Variants in SCHIP1 observed in about 807,000 individuals in gnomAD.
SCHIP1 encodes schwannomin interacting protein 1.
In SCHIP1, 8 loss-of-function variants were observed where a neutral mutation model predicts 29.7. The observed-to-expected ratio is 0.27, with a 90% confidence interval of 0.16 to 0.49. The LOEUF (loss-of-function observed/expected upper bound fraction) is 0.49. SCHIP1 is among the 20% of genes least tolerant of loss of function. The pLI, the probability that SCHIP1 is intolerant of heterozygous loss-of-function variation, is 0.99. For missense variants in SCHIP1, 193 were observed against 294.6 expected, an observed-to-expected ratio of 0.66 and a Z score of 2.52; for synonymous variants, 76 against 94.9, an observed-to-expected ratio of 0.80 and a Z score of 1.16.
At chr3:159,554,028 G>GTGTGTGTGTGTGTGTGTGTGTGTGTGTA in the SCHIP1 span, among the ~76,000 whole-genome samples, 1 of 73,424 alleles carries the variant, frequency 1.4e-5, no homozygotes, top group African/African-American at 1.2e-4. Context: ...GTTTGTGTAT[G>GTGTGTGTGTGTGTGTGTGTGTGTGTGTA]TGTGTGTGTG....
At chr3:159,765,002 A>G in the SCHIP1 span, 1 of 1,531,026 alleles carries the variant, frequency 6.5e-7, no homozygotes, top group Non-Finnish European at 8.8e-7. Context: ...CAGCCCCCAG[A>G]CGGCGGGACG....
the SCHIP1 span, among the ~76,000 whole-genome samples, chr3:159,749,569 G>A: frequency 2.0e-5 from 3 of 152,260 alleles, no homozygotes; most frequent in African/African-American, 4.8e-5. Flanking sequence ...GCTGGGCATT[G>A]TGTGCAACAT....
chr3:159,591,217 A>G, the SCHIP1 span, among the ~76,000 whole-genome samples: 1 of 152,196 alleles, frequency 6.6e-6, no homozygotes. Context: ...CTACAAACAG[A>G]CAATATGACT....
the SCHIP1 span, among the ~76,000 whole-genome samples, chr3:159,427,236 A>G: frequency 1.3e-5 from 2 of 150,960 alleles, no homozygotes; most frequent in South Asian, 2.1e-4. Context: ...AGGCTATTCA[A>G]TTAGGAAAAG....
At chr3:159,343,846 C>G in the SCHIP1 span, among the ~76,000 whole-genome samples, 1 of 152,062 alleles carries the variant, frequency 6.6e-6, no homozygotes. Flanking sequence ...CAGATCTATA[C>G]AGAATATAAA....
chr3:159,766,251 T>C, the SCHIP1 span, among the ~76,000 whole-genome samples: 5 of 152,184 alleles, frequency 3.3e-5, no homozygotes, highest in Non-Finnish European at 7.4e-5. Flanking sequence ...TCCTGAAAAT[T>C]GGGTGCATGC....
At chr3:159,881,017 A>G (rs1475101046) in intron 2 of SCHIP1, among the ~76,000 whole-genome samples, 1 of 152,218 alleles carries the variant, frequency 6.6e-6, no homozygotes, top group Non-Finnish European at 1.5e-5. Flanking sequence ...GGAAAGGAGC[A>G]GAGTTTGCCG....
the SCHIP1 span, among the ~76,000 whole-genome samples, chr3:159,787,959 A>G: frequency 6.6e-6 from 1 of 152,208 alleles, no homozygotes; most frequent in Non-Finnish European, 1.5e-5. Flanking sequence ...TAGGGGAATG[A>G]TGAAGGTTAA....
chr3:159,529,470 T>C, the SCHIP1 span, among the ~76,000 whole-genome samples: 34 of 152,278 alleles, frequency 2.2e-4, no homozygotes, highest in Non-Finnish European at 4.3e-4. Flanking sequence ...TTATTTTTAT[T>C]TTTTAAGTTA....
At chr3:159,716,931 T>C in the SCHIP1 span, among the ~76,000 whole-genome samples, 2 of 152,208 alleles carry the variant, frequency 1.3e-5, no homozygotes, top group South Asian at 4.1e-4. Flanking sequence ...ATCAACAGAA[T>C]ATACATTTTC....
chr3:159,829,973 G>T, the SCHIP1 span, among the ~76,000 whole-genome samples: 1 of 152,100 alleles, frequency 6.6e-6, no homozygotes. Context: ...GCTATATATT[G>T]TTAGTAAACC....
chr3:159,775,714 G>A, the SCHIP1 span, among the ~76,000 whole-genome samples: 74 of 152,346 alleles, frequency 4.9e-4, no homozygotes, highest in African/African-American at 1.6e-3. Flanking sequence ...CTGCTCACAC[G>A]TGGGTTGTAG....
At chr3:159,654,771 G>T in the SCHIP1 span, among the ~76,000 whole-genome samples, 28 of 128,506 alleles carry the variant, frequency 2.2e-4, no homozygotes, top group African/African-American at 8.7e-4. Flanking sequence ...GAAAAATGAA[G>T]CTACTTTACA....
the SCHIP1 span, among the ~76,000 whole-genome samples, chr3:159,326,294 T>A: frequency 6.6e-6 from 1 of 152,180 alleles, no homozygotes; most frequent in Admixed American, 6.5e-5. Flanking sequence ...AGTTAAATAC[T>A]ATCTAATGAA....
the SCHIP1 span, among the ~76,000 whole-genome samples, chr3:159,331,975 C>T: frequency 6.6e-6 from 1 of 152,146 alleles, no homozygotes; most frequent in East Asian, 1.9e-4. Context: ...CCACCTGGTC[C>T]TGGCTCATCA....
At chr3:159,607,897 A>T in the SCHIP1 span, among the ~76,000 whole-genome samples, 1 of 152,224 alleles carries the variant, frequency 6.6e-6, no homozygotes, top group African/African-American at 2.4e-5. Flanking sequence ...AAGGAAAAAA[A>T]GCTGAGTGCC....
the SCHIP1 span, among the ~76,000 whole-genome samples, chr3:159,506,982 GT>G: frequency 1.3e-5 from 2 of 152,078 alleles, no homozygotes; most frequent in African/African-American, 2.4e-5. Flanking sequence ...CTTTAAAATA[GT>G]TTTTTTCCAA....
the SCHIP1 span, among the ~76,000 whole-genome samples, chr3:159,276,448 T>C: frequency 6.6e-6 from 1 of 152,194 alleles, no homozygotes; most frequent in African/African-American, 2.4e-5. Flanking sequence ...AGAGGTACCC[T>C]AGCATCCCAG....
At chr3:159,794,051 G>T in the SCHIP1 span, among the ~76,000 whole-genome samples, 16 of 152,288 alleles carry the variant, frequency 1.1e-4, no homozygotes, top group African/African-American at 3.8e-4. Flanking sequence ...GGTCTTTAAC[G>T]TCATCACATC....
Sources: allele counts gnomAD v4.1 joint callset (sites outside exome capture counted in the v4.1 genomes callset), GRCh38; gene constraint gnomAD v4.1.1; transcripts MANE v1.5; gene names NCBI Gene and HGNC (gene_info 2026-07-23, HGNC 2026-07-21).